Variants in PRUNE2 observed in about 807,000 individuals in gnomAD.
PRUNE2 encodes the protein protein prune homolog 2.
A neutral mutation model predicts 252.0 loss-of-function variants in PRUNE2; 164 were observed. The observed-to-expected ratio is 0.65, with a 90% CI of 0.57 to 0.74. The LOEUF (loss-of-function observed/expected upper bound fraction) is 0.74, where lower values mean the gene tolerates loss of function less well. Ranked by LOEUF, PRUNE2 falls within the 30% of genes least tolerant of loss-of-function variation. The probability of loss-of-function intolerance (pLI) is 0.00; values close to 1 mark genes in which losing one functional copy is unlikely to be tolerated. For synonymous variants in PRUNE2, 1,292 were observed against 1,350.2 expected, an observed-to-expected ratio of 0.96 and a Z score of 0.94; for missense variants, 3,495 against 3,711.0, an observed-to-expected ratio of 0.94 and a Z score of 1.51.
Position 76,823,629 on chromosome 9 carries a change from T to TAC in PRUNE2, c.756+1_756+2dup. On this transcript the variant is annotated splice_region_variant and intron_variant, in intron 6 of 18. Coordinates refer to ENST00000376718, the MANE Select transcript of PRUNE2 (RefSeq NM_015225.3). ...AATGCTAAAAAAGCATTCCCACCCT[T>TAC]ACCTCAAGGTTCATGCTCACAGTAC... is the stretch of plus-strand genomic sequence containing the variant. 6.4e-7 allele frequency: 1 copy of TAC among 1,569,520 alleles called. No homozygotes were observed. The highest frequency in any genetic ancestry group is 8.8e-7 in the Non-Finnish European group (1 of 1,139,332).
intron 9 of PRUNE2, among the ~76,000 whole-genome samples, chr9:76,657,066 A>G (rs1360852190): frequency 1.3e-5 from 2 of 152,230 alleles, no homozygotes; most frequent in African/African-American, 4.8e-5. Flanking sequence ...ACCAGGCCCC[A>G]GTTTTGAAAG....
intron 15 of PRUNE2, among the ~76,000 whole-genome samples, chr9:76,635,844 T>G (rs1839832217): frequency 6.6e-6 from 1 of 152,220 alleles, no homozygotes; most frequent in Non-Finnish European, 1.5e-5. Flanking sequence ...TTTGAAGTCT[T>G]ACTATATTAT....
chr9:76,812,352 G>A (rs1163989326), intron 6 of PRUNE2, among the ~76,000 whole-genome samples: 2 of 152,192 alleles, frequency 1.3e-5, no homozygotes, highest in Non-Finnish European at 2.9e-5. Flanking sequence ...TATCTTAGCT[G>A]CAGGGTGGCC....
intron 6 of PRUNE2, among the ~76,000 whole-genome samples, chr9:76,791,661 C>G (rs547712109): frequency 6.6e-6 from 1 of 152,152 alleles, no homozygotes; most frequent in Non-Finnish European, 1.5e-5. Context: ...ACCAATAATA[C>G]TGACTTCCTG....
intron 6 of PRUNE2, among the ~76,000 whole-genome samples, chr9:76,742,127 AAAAACACC>A (rs1288091502): frequency 1.3e-5 from 2 of 152,220 alleles, no homozygotes; most frequent in Non-Finnish European, 2.9e-5. Context: ...AGAGCTTATT[AAAAACACC>A]AAAAAATTCA....
At chr9:76,621,251 C>T (rs1005759191) in intron 17 of PRUNE2, among the ~76,000 whole-genome samples, 1 of 152,180 alleles carries the variant, frequency 6.6e-6, no homozygotes, top group Non-Finnish European at 1.5e-5. Flanking sequence ...CTGGGCATGT[C>T]TGGCTTCTAA....
chr9:76,666,388 T>C (rs2040178180), intron 9 of PRUNE2, among the ~76,000 whole-genome samples: 1 of 152,268 alleles, frequency 6.6e-6, no homozygotes. Context: ...CCTGTGATGC[T>C]GTGCTTCATT....
intron 1 of PRUNE2, among the ~76,000 whole-genome samples, chr9:76,874,138 TC>T (rs2061362306): frequency 6.6e-6 from 1 of 152,304 alleles, no homozygotes; most frequent in African/African-American, 2.4e-5. Flanking sequence ...CTTTGGTGGC[TC>T]CATTATTGAG....
At chr9:76,883,303 C>A (rs1410539887) in intron 1 of PRUNE2, among the ~76,000 whole-genome samples, 1 of 152,202 alleles carries the variant, frequency 6.6e-6, no homozygotes, top group South Asian at 2.1e-4. Flanking sequence ...AACATCGCAC[C>A]TTTCGGGTTC....
chr9:76,833,811 C>T (rs2058804552), intron 4 of PRUNE2, among the ~76,000 whole-genome samples: 1 of 149,962 alleles, frequency 6.7e-6, no homozygotes, highest in African/African-American at 2.4e-5. Flanking sequence ...AGAAAGCAGA[C>T]GTCACAGTTA....
intron 6 of PRUNE2, among the ~76,000 whole-genome samples, chr9:76,715,501 G>A (rs916879087): frequency 3.3e-5 from 5 of 152,144 alleles, no homozygotes; most frequent in East Asian, 1.9e-4. Context: ...TTGCACATAC[G>A]AATCCACAAA....
rs1431421787 is a variant in PRUNE2 at position 76,702,068 on chromosome 9, T to C, written c.8276+1269A>G. Among the ~76,000 whole-genome samples the C allele has an allele frequency of 3.3e-5, 5 of 151,924 alleles. No homozygotes were observed. The East Asian group carries it at 9.7e-4, about 29-fold the overall frequency. On this transcript the variant is annotated intron_variant, in intron 9 of 18. Transcript: ENST00000376718. ...CAAAAATATATCTTTTCTCGCTTTT[T>C]TTTTTTTTTGAGACGGAGTCTGGCT...
rs557458824 is a variant in PRUNE2, at chr9:76,743,403, C to T, written c.757-29682G>A. On this transcript the variant is annotated intron_variant, in intron 6 of 18. Coordinates refer to ENST00000376718, the MANE Select transcript of PRUNE2 (RefSeq NM_015225.3). ...AGAGAATACTATGTAGAGATATACA[C>T]GTGAGAATAGTTAATGTAGCATTGT... 4.6e-5 allele frequency among the ~76,000 whole-genome samples: 7 copies of T among 152,274 alleles called. No individual in the cohort carries two copies. The South Asian group carries it at 1.0e-3, about 23-fold the overall frequency.
chr9:76,716,059 A>G (rs1388921863), intron 6 of PRUNE2, among the ~76,000 whole-genome samples: 1 of 148,378 alleles, frequency 6.7e-6, no homozygotes, highest in South Asian at 2.2e-4. Context: ...AGATTTTTAC[A>G]TATAACAAAA....
At chr9:76,825,094 C>T (rs1020688087) in intron 5 of PRUNE2, among the ~76,000 whole-genome samples, 1 of 144,636 alleles carries the variant, frequency 6.9e-6, no homozygotes, top group Non-Finnish European at 1.5e-5. Flanking sequence ...CCTCTCTTTT[C>T]CTGAGGGCTT....
intron 1 of PRUNE2, among the ~76,000 whole-genome samples, chr9:76,865,195 T>A (rs1476245682): frequency 6.6e-6 from 1 of 152,200 alleles, no homozygotes; most frequent in Non-Finnish European, 1.5e-5. Context: ...TTTCTGTTTT[T>A]TAAAATATGT....
intron 9 of PRUNE2, among the ~76,000 whole-genome samples, chr9:76,700,965 G>A (rs1228930194): frequency 6.6e-6 from 1 of 152,212 alleles, no homozygotes; most frequent in Non-Finnish European, 1.5e-5. Flanking sequence ...TGACTAGCTT[G>A]ACTTAAATAT....
chr9:76,779,248 G>C (rs928424873), intron 6 of PRUNE2, among the ~76,000 whole-genome samples: 2 of 141,116 alleles, frequency 1.4e-5, no homozygotes, highest in Non-Finnish European at 3.0e-5. Flanking sequence ...TTTTTTTTTG[G>C]AAGTATCTGG....
Position 76,711,002 on chromosome 9 carries a change from A to G in PRUNE2, c.1272T>C (p.Val424=), listed in dbSNP as rs370524708. Residue 424 remains valine (V), a synonymous_variant, in exon 8 of 19, where the codon GTT becomes GTC. Transcript: ENST00000376718. ...TGGTAGCCAGTCCGCTGTCTGGGCT[A>G]ACAAGGTCTACATTGGCATCCACCT... ...QAQVDANVDL[V]SPDSGLATIR... 3 of 1,613,342 alleles carry G rather than the reference A, an allele frequency of 1.9e-6. No homozygotes were observed. The African/African-American group carries it at 4.0e-5, about 22-fold the overall frequency.
Sources: allele counts gnomAD v4.1 joint callset (sites outside exome capture counted in the v4.1 genomes callset), GRCh38; gene constraint gnomAD v4.1.1; transcripts MANE v1.5; gene names NCBI Gene and HGNC (gene_info 2026-07-23, HGNC 2026-07-21).